Variants in PDE4B observed in about 807,000 individuals in gnomAD.
PDE4B encodes phosphodiesterase 4B.
A neutral mutation model predicts 82.2 loss-of-function variants in PDE4B; 20 were observed. The observed-to-expected ratio is 0.24, with a 90% confidence interval of 0.17 to 0.35. The LOEUF is 0.35. Among genes scored for constraint, PDE4B ranks in the 10% least tolerant of loss-of-function variants. The pLI, the probability that PDE4B is intolerant of heterozygous loss-of-function variation, is 1.00. For missense variants in PDE4B, 655 were observed against 907.2 expected, an observed-to-expected ratio of 0.72 and a Z score of 3.57; for synonymous variants, 320 against 318.9, an observed-to-expected ratio of 1.00 and a Z score of -0.04.
chr1:66,312,762 T>C (rs1164471316), intron 7 of PDE4B, among the ~76,000 whole-genome samples: 2 of 152,192 alleles, frequency 1.3e-5, no homozygotes, highest in East Asian at 3.8e-4. Flanking sequence ...TTTTTGCAAA[T>C]AAAGTGTTAC....
intron 3 of PDE4B, among the ~76,000 whole-genome samples, chr1:66,091,139 G>T (rs911126498): frequency 1.3e-5 from 2 of 151,942 alleles, no homozygotes; most frequent in Non-Finnish European, 2.9e-5. Context: ...TAGGTGAAAA[G>T]ATTTAACTGC....
intron 3 of PDE4B, chr1:66,152,633 TACACACACACACACACACAC>T (rs141660761): frequency 2.8e-5 from 4 of 143,582 alleles, no homozygotes; most frequent in African/African-American, 1.0e-4. Context: ...TATATGTGTA[TACACACACACACACACACAC>T]ACACACACAC....
intron 9 of PDE4B, among the ~76,000 whole-genome samples, chr1:66,358,690 A>C (rs1662480322): frequency 6.6e-6 from 1 of 151,914 alleles, no homozygotes; most frequent in African/African-American, 2.4e-5. Flanking sequence ...AAAAAAAAAA[A>C]AAGTATTAAC....
chr1:66,072,847 A>G (rs1015497532), intron 3 of PDE4B, among the ~76,000 whole-genome samples: 2 of 152,254 alleles, frequency 1.3e-5, no homozygotes, highest in Admixed American at 6.5e-5. Flanking sequence ...AAAATAAAGT[A>G]TAATACATTG....
At position 66,196,379 on chromosome 1, in the gene PDE4B, T is replaced by C. The variant is rs142384385; in HGVS notation, c.282-51081T>C. On this transcript the variant is annotated intron_variant, in intron 3 of 16. Transcript: ENST00000341517. ...AGTCTACAGAGCTGAGAGTCAAGCA[T>C]TGATACTCTCCCAAACAGATGCTGC... is the stretch of plus-strand genomic sequence containing the variant. 3.0e-3 allele frequency among the ~76,000 whole-genome samples: 450 copies of C among 152,328 alleles called. 1 individual carries two copies. The highest frequency in any genetic ancestry group is 9.5e-3 in the African/African-American group (395 of 41,582).
At chr1:65,860,027 T>A (rs1270642681) in intron 1 of PDE4B, among the ~76,000 whole-genome samples, 3 of 152,116 alleles carry the variant, frequency 2.0e-5, no homozygotes, top group South Asian at 2.1e-4. Flanking sequence ...ATTAAAACTC[T>A]CTCTCTGTTT....
chr1:66,244,750 T>C (rs1353370263), intron 3 of PDE4B, among the ~76,000 whole-genome samples: 2 of 152,216 alleles, frequency 1.3e-5, no homozygotes, highest in Non-Finnish European at 2.9e-5. Context: ...ACTTCTTCCC[T>C]GGCTTCGTTT....
chr1:66,283,190 A>G (rs1656416587), intron 7 of PDE4B, among the ~76,000 whole-genome samples: 1 of 152,226 alleles, frequency 6.6e-6, no homozygotes, highest in African/African-American at 2.4e-5. Context: ...ATCATTTCTT[A>G]AACTTTCTGC....
At chr1:66,247,184 G>T (rs938487386) in intron 3 of PDE4B, among the ~76,000 whole-genome samples, 1 of 152,292 alleles carries the variant, frequency 6.6e-6, no homozygotes, top group South Asian at 2.1e-4. Flanking sequence ...AGGCCATGGA[G>T]TTTGCTCCTG....
chr1:65,832,664 A>G (rs969423558), intron 1 of PDE4B, among the ~76,000 whole-genome samples: 7 of 152,248 alleles, frequency 4.6e-5, no homozygotes, highest in Admixed American at 1.3e-4. Context: ...TTGGGAAAGT[A>G]TAATTGGTCT....
chr1:66,177,348 T>C (rs1646951433), intron 3 of PDE4B, among the ~76,000 whole-genome samples: 1 of 152,220 alleles, frequency 6.6e-6, no homozygotes, highest in South Asian at 2.1e-4. Context: ...GAATGGTGTT[T>C]AGCACATGGT....
At chr1:65,994,369 A>G (rs1651416678) in intron 3 of PDE4B, among the ~76,000 whole-genome samples, 2 of 152,110 alleles carry the variant, frequency 1.3e-5, no homozygotes, top group Admixed American at 1.3e-4. Flanking sequence ...CTTTCTGACA[A>G]TGGACTGTTC....
chr1:66,268,637 A>G (rs1046809098), intron 7 of PDE4B, among the ~76,000 whole-genome samples: 5 of 144,172 alleles, frequency 3.5e-5, no homozygotes, highest in Non-Finnish European at 7.5e-5. Context: ...CACTGAACTC[A>G]AGCCCAGGTG....
chr1:66,167,975 T>G (rs1570385747), intron 3 of PDE4B, among the ~76,000 whole-genome samples: 1 of 152,308 alleles, frequency 6.6e-6, no homozygotes, highest in East Asian at 1.9e-4. Flanking sequence ...TTCTCAAAAA[T>G]TATATTACTC....
chr1:65,947,944 AAT>A lies in PDE4B; in HGVS notation c.281+29116_281+29117del, dbSNP rs1648794989. ...CAGATGCAATATATATACTATATAT[AAT>A]ATATATGAATACATATACATAAATA... is the stretch of plus-strand genomic sequence containing the variant. On this transcript the variant is annotated intron_variant, in intron 3 of 16. Transcript: ENST00000341517. Among the ~76,000 whole-genome samples the A allele has an allele frequency of 9.4e-5, 14 of 148,314 alleles. No individual in the cohort carries two copies. The South Asian group carries it at 2.9e-3, about 31-fold the overall frequency.
intron 3 of PDE4B, among the ~76,000 whole-genome samples, chr1:66,169,665 A>AAAT: frequency 1.3e-5 from 2 of 152,222 alleles, no homozygotes; most frequent in Non-Finnish European, 2.9e-5. Context: ...ATTGTATTTG[A>AAAT]TTAATCAGAT....
At chr1:65,825,924 G>A (rs1236876960) in intron 1 of PDE4B, among the ~76,000 whole-genome samples, 2 of 151,794 alleles carry the variant, frequency 1.3e-5, no homozygotes, top group East Asian at 1.9e-4. Context: ...CTTTTACAGT[G>A]ATGGTTTTAT....
At chr1:65,898,513 G>C (rs775011638) in intron 1 of PDE4B, among the ~76,000 whole-genome samples, 44 of 151,938 alleles carry the variant, frequency 2.9e-4, no homozygotes, top group Admixed American at 7.2e-4. Flanking sequence ...GCCAAAGCAA[G>C]ACTAAGCAAA....
intron 1 of PDE4B, among the ~76,000 whole-genome samples, chr1:65,857,419 C>G (rs555923061): frequency 2.7e-4 from 41 of 152,282 alleles, no homozygotes; most frequent in Admixed American, 5.9e-4. Context: ...TTACTCTTCT[C>G]TTTACTTTTT....
Sources: gnomAD v4.1 joint callset for allele counts (sites outside exome capture counted in the v4.1 genomes callset) on GRCh38, gnomAD v4.1.1 for gene constraint, MANE v1.5 for transcripts, NCBI Gene and HGNC (gene_info 2026-07-23, HGNC 2026-07-21) for gene names.